CDC42BPA: variants seen among roughly 807,000 people sequenced by gnomAD.
The protein encoded by CDC42BPA is CDC42 binding protein kinase alpha.
In CDC42BPA, 80 loss-of-function variants were observed where a neutral mutation model predicts 223.5. The observed-to-expected ratio is 0.36, with a 90% CI of 0.30 to 0.43. The LOEUF (loss-of-function observed/expected upper bound fraction) is 0.43, where lower values mean the gene tolerates loss of function less well. CDC42BPA is among the 20% of genes least tolerant of loss of function. The pLI is 1.00. For missense variants in CDC42BPA, 1,743 were observed against 2,099.9 expected, an observed-to-expected ratio of 0.83 and a Z score of 3.32; for synonymous variants, 694 against 718.6, an observed-to-expected ratio of 0.97 and a Z score of 0.55.
intron 1 of CDC42BPA, among the ~76,000 whole-genome samples, chr1:227,262,482 AC>A (rs201366596): frequency 0.31 from 46,743 of 151,978 alleles, 7,352 homozygotes; most frequent in East Asian, 0.37. Context: ...AAGAAAAAGC[AC>A]ATTTACCTCC....
chr1:227,041,997 T>C (rs970295318), intron 23 of CDC42BPA, among the ~76,000 whole-genome samples: 13 of 152,174 alleles, frequency 8.5e-5, no homozygotes, highest in Non-Finnish European at 1.5e-4. Context: ...TTCTCCTGTA[T>C]ACTACTTTTT....
chr1:227,290,233 T>C (rs1047946956), intron 1 of CDC42BPA, among the ~76,000 whole-genome samples: 1 of 152,128 alleles, frequency 6.6e-6, no homozygotes, highest in Admixed American at 6.6e-5. Context: ...AATGCCCCCT[T>C]TTCTCTGTTT....
chr1:227,304,559 AGTTTCATACAAT>A (rs1412665351), intron 1 of CDC42BPA, among the ~76,000 whole-genome samples: 4 of 152,194 alleles, frequency 2.6e-5, no homozygotes, highest in Admixed American at 6.5e-5. Flanking sequence ...TAAAAATATG[AGTTTCATACAAT>A]GTTTCAAGAT....
At chr1:227,276,487 G>A (rs1002271430) in intron 1 of CDC42BPA, among the ~76,000 whole-genome samples, 2 of 151,026 alleles carry the variant, frequency 1.3e-5, no homozygotes, top group Non-Finnish European at 3.0e-5. Flanking sequence ...CGCCCCGTTC[G>A]GGAGGTGGGG....
chr1:227,253,560 C>A (rs567772060), intron 2 of CDC42BPA, among the ~76,000 whole-genome samples: 1 of 151,998 alleles, frequency 6.6e-6, no homozygotes, highest in Non-Finnish European at 1.5e-5. Flanking sequence ...CATGCCACTG[C>A]GCTCCAGCCT....
rs552975882 is a variant in CDC42BPA, at chr1:227,254,203, C to T, written c.179-48G>A. 4.3e-6 allele frequency: 4 copies of T among 939,462 alleles called. No homozygotes were observed. In the South Asian group the frequency reaches 5.9e-5, roughly 14 times the overall value. 58.2% of individuals were successfully genotyped at this position (939,462 alleles called of 1,614,324 possible). A position where few individuals can be genotyped will look rare whatever the true frequency, so the allele number is the denominator to read the frequency against. The stretch of plus-strand genomic sequence containing the variant: ...ATTATTTTCTTAATAAAATGTGATG[C>T]AAATTAGATATAAATAATGGTGTTT... On this transcript the variant is annotated intron_variant, in intron 1 of 36. Transcript: ENST00000366766.
chr1:227,086,451 G>T (rs1681914873), intron 16 of CDC42BPA, among the ~76,000 whole-genome samples: 1 of 152,208 alleles, frequency 6.6e-6, no homozygotes, highest in Middle Eastern at 3.4e-3. Flanking sequence ...CAGTGTGTAA[G>T]TTCTAGTTCC....
intron 21 of CDC42BPA, chr1:227,068,595 A>G (rs1371238000): frequency 3.6e-6 from 3 of 826,426 alleles, no homozygotes; most frequent in Non-Finnish European, 3.2e-6. Context: ...AAATTCTTCA[A>G]ATCAATTCAC....
At chr1:227,072,866 T>C (rs186974539) in intron 19 of CDC42BPA, among the ~76,000 whole-genome samples, 7 of 152,204 alleles carry the variant, frequency 4.6e-5, no homozygotes, top group African/African-American at 1.7e-4. Context: ...CAGAGAATGA[T>C]ATTCATTAGC....
intron 5 of CDC42BPA, among the ~76,000 whole-genome samples, chr1:227,191,277 G>A (rs527737365): frequency 5.3e-5 from 8 of 149,994 alleles, no homozygotes; most frequent in African/African-American, 1.5e-4. Context: ...CCCAGGAGGC[G>A]GAGGCTGCAG....
At chr1:227,307,515 A>G (rs1313734608) in intron 1 of CDC42BPA, among the ~76,000 whole-genome samples, 1 of 149,166 alleles carries the variant, frequency 6.7e-6, no homozygotes. Flanking sequence ...TAGGTAAAAC[A>G]AAGTTTAAAT....
At chr1:227,275,460 AAAC>A (rs1275687079) in intron 1 of CDC42BPA, among the ~76,000 whole-genome samples, 1 of 152,154 alleles carries the variant, frequency 6.6e-6, no homozygotes, top group Non-Finnish European at 1.5e-5. Flanking sequence ...AATAAAATTA[AAAC>A]AACTATTAAA....
intron 1 of CDC42BPA, among the ~76,000 whole-genome samples, chr1:227,265,893 CATA>C (rs896527753): frequency 6.6e-6 from 1 of 152,068 alleles, no homozygotes; most frequent in Non-Finnish European, 1.5e-5. Context: ...CAAGAAAATG[CATA>C]ATAATATCCC....
At chr1:227,120,993 G>A (rs1213860246) in intron 11 of CDC42BPA, among the ~76,000 whole-genome samples, 3 of 152,126 alleles carry the variant, frequency 2.0e-5, no homozygotes, top group East Asian at 1.9e-4. Flanking sequence ...TAGGGTTCAC[G>A]GTCCCATGAG....
rs1311488091 is a variant in CDC42BPA, at chr1:227,253,642, A to ACATACATT, written c.270+414_270+421dup. Among the ~76,000 whole-genome samples the ACATACATT allele has an allele frequency of 1.6e-3, 189 of 116,146 alleles. 1 individual carries two copies. Among genetic ancestry groups the ACATACATT allele is most frequent in the African/African-American group, 5.8e-3 (174 of 29,838 alleles). 76.2% of individuals were successfully genotyped at this position (116,146 alleles called of 152,430 possible). On this transcript the variant is annotated intron_variant, in intron 2 of 36. Transcript: ENST00000366766. ...TACATACATACATACATACATACAT[A>ACATACATT]CATACATTCATACATAAAATAAAAT...
At chr1:227,217,937 T>C (rs953085608) in intron 2 of CDC42BPA, among the ~76,000 whole-genome samples, 1 of 152,230 alleles carries the variant, frequency 6.6e-6, no homozygotes, top group Non-Finnish European at 1.5e-5. Context: ...GAACTATGTA[T>C]TCTATTTAAG....
chr1:227,090,366 G>A (rs1300593940), intron 16 of CDC42BPA, among the ~76,000 whole-genome samples: 1 of 152,134 alleles, frequency 6.6e-6, no homozygotes, highest in Non-Finnish European at 1.5e-5. Flanking sequence ...TATTTTACAA[G>A]TCAAGGTCTT....
chr1:227,104,918 G>A (rs1167558710), intron 14 of CDC42BPA, among the ~76,000 whole-genome samples: 2 of 152,002 alleles, frequency 1.3e-5, no homozygotes, highest in Non-Finnish European at 2.9e-5. Flanking sequence ...CACCCAGTGT[G>A]TGGTACTTCA....
chr1:227,230,251 T>C (rs1302457179), intron 2 of CDC42BPA, among the ~76,000 whole-genome samples: 1 of 152,244 alleles, frequency 6.6e-6, no homozygotes, highest in Non-Finnish European at 1.5e-5. Flanking sequence ...CAGATAAATT[T>C]ATACTTTAGT....
Sources: allele counts gnomAD v4.1 joint callset (sites outside exome capture counted in the v4.1 genomes callset), GRCh38; gene constraint gnomAD v4.1.1; transcripts MANE v1.5; gene names NCBI Gene and HGNC (gene_info 2026-07-23, HGNC 2026-07-21).